The following PCSK6 variants were observed in gnomAD, a reference collection of about 807,000 sequenced individuals.
The protein encoded by PCSK6 is proprotein convertase subtilisin/kexin type 6.
Under a neutral mutation model 123.3 loss-of-function variants are expected in PCSK6, and 85 were observed. The observed-to-expected ratio is 0.69, with a 90% CI of 0.58 to 0.83. PCSK6 has a LOEUF of 0.83. Among genes scored for constraint, PCSK6 ranks in the 40% least tolerant of loss-of-function variants. The probability of loss-of-function intolerance (pLI) is 0.00; values close to 1 mark genes in which losing one functional copy is unlikely to be tolerated. For missense variants in PCSK6, 1,191 were observed against 1,282.3 expected (o/e 0.93, Z 1.09); for synonymous variants, 508 against 516.0 (o/e 0.98, Z 0.21).
chr15:101,341,248 G>GTTT (rs149761692), intron 13 of PCSK6, among the ~76,000 whole-genome samples: 12 of 129,628 alleles, frequency 9.3e-5, no homozygotes, highest in East Asian at 4.6e-4. Flanking sequence ...AAAGTGTGGG[G>GTTT]TTTTTTTTTT....
chr15:101,361,363 A>G (rs1340070312), intron 13 of PCSK6, among the ~76,000 whole-genome samples: 3 of 60,806 alleles, frequency 4.9e-5, no homozygotes, highest in Non-Finnish European at 9.0e-5. Flanking sequence ...TCAGAATCTC[A>G]GCAAATTTTT....
At chr15:101,394,600 CA>C (rs1326773361) in intron 7 of PCSK6, among the ~76,000 whole-genome samples, 5 of 152,196 alleles carry the variant, frequency 3.3e-5, no homozygotes, top group East Asian at 1.9e-4. Context: ...CCCAAACAAA[CA>C]GAGGAAATTT....
Position 101,489,431 on chromosome 15 carries a change from G to A in PCSK6, c.240C>T (p.Gly80=). The part of the protein sequence containing the change: ...YTNHWAVQVL[G]GPAEADRVAA... ...CCACGCGGTCCGCCTCGGCCGGGCCGCCCAGCACTTGCACCGCCCAGTGGT... is the reference window on the plus strand; with the variant it reads ...CCACGCGGTCCGCCTCGGCCGGGCCACCCAGCACTTGCACCGCCCAGTGGT... The change falls in exon 1 of 22, where the codon GGC becomes GGT. Residue 80 remains glycine (G), a synonymous_variant. Coordinates refer to ENST00000611716, the MANE Select transcript of PCSK6 (RefSeq NM_002570.5). 7.8e-7 allele frequency: 1 copy of A among 1,275,150 alleles called. No homozygotes were observed. Among genetic ancestry groups the A allele is most frequent in the Non-Finnish European group, 1.0e-6 (1 of 997,438 alleles). 79.0% of individuals were successfully genotyped at this position (1,275,150 alleles called of 1,614,324 possible).
chr15:101,376,016 AGAGT>A (rs1233434727), intron 11 of PCSK6, among the ~76,000 whole-genome samples: 1 of 152,192 alleles, frequency 6.6e-6, no homozygotes, highest in Non-Finnish European at 1.5e-5. Context: ...CCTGGGTAAC[AGAGT>A]GAGACTCCAT....
intron 18 of PCSK6, among the ~76,000 whole-genome samples, chr15:101,321,475 G>A (rs2040120713): frequency 1.3e-5 from 2 of 152,224 alleles, no homozygotes; most frequent in Non-Finnish European, 2.9e-5. Flanking sequence ...TGTAAAATGC[G>A]AGTAAGAATT....
intron 9 of PCSK6, among the ~76,000 whole-genome samples, chr15:101,385,815 C>G (rs1384924833): frequency 6.6e-6 from 1 of 152,188 alleles, no homozygotes; most frequent in Non-Finnish European, 1.5e-5. Context: ...TTTGCCCTAT[C>G]AAACAGCTGA....
intron 1 of PCSK6, among the ~76,000 whole-genome samples, chr15:101,478,593 A>G (rs2057791314): frequency 6.6e-6 from 1 of 152,084 alleles, no homozygotes; most frequent in African/African-American, 2.4e-5. Flanking sequence ...CCAAGGAGCA[A>G]GATGCTCGTT....
At chr15:101,325,781 A>G (rs1188058363) in intron 16 of PCSK6, among the ~76,000 whole-genome samples, 2 of 152,234 alleles carry the variant, frequency 1.3e-5, no homozygotes, top group African/African-American at 4.8e-5. Context: ...CAGAGGCCAC[A>G]CAGGAGGGCA....
chr15:101,359,762 A>G (rs1383133104), intron 13 of PCSK6, among the ~76,000 whole-genome samples: 1 of 152,238 alleles, frequency 6.6e-6, no homozygotes, highest in Non-Finnish European at 1.5e-5. Context: ...CTCGCTCAGC[A>G]CCCACACGCA....
intron 6 of PCSK6, among the ~76,000 whole-genome samples, chr15:101,424,149 C>G (rs1289319510): frequency 6.6e-6 from 1 of 151,514 alleles, no homozygotes; most frequent in Non-Finnish European, 1.5e-5. Context: ...GTGGGAGGAT[C>G]ACTTGAGGCC....
At chr15:101,410,588 T>C (rs1453511027) in intron 6 of PCSK6, among the ~76,000 whole-genome samples, 2 of 152,184 alleles carry the variant, frequency 1.3e-5, no homozygotes, top group African/African-American at 2.4e-5. Context: ...CAAAATATGC[T>C]TGGAAGGAAT....
chr15:101,460,097 C>T (rs1400494185), intron 1 of PCSK6, among the ~76,000 whole-genome samples: 2 of 152,128 alleles, frequency 1.3e-5, no homozygotes, highest in Admixed American at 6.5e-5. Flanking sequence ...CACCACTATG[C>T]CCCTATGAAC....
At chr15:101,318,282 G>A in intron 19 of PCSK6, 37 bp downstream of exon 19, 1 of 1,453,760 alleles carries the variant, frequency 6.9e-7, no homozygotes. Flanking sequence ...ACGCTTGGGT[G>A]ACGCTGGCCC....
At chr15:101,464,967 T>G (rs1434837936) in intron 1 of PCSK6, among the ~76,000 whole-genome samples, 1 of 151,930 alleles carries the variant, frequency 6.6e-6, no homozygotes. Context: ...GGCTACTCAG[T>G]GTACTTGACT....
intron 1 of PCSK6, among the ~76,000 whole-genome samples, chr15:101,479,328 C>T (rs925381113): frequency 2.0e-5 from 3 of 152,232 alleles, no homozygotes; most frequent in Admixed American, 6.5e-5. Context: ...ATGTCAAAGG[C>T]CCGGACTTCA....
At chr15:101,458,996 C>G (rs569151655) in intron 1 of PCSK6, among the ~76,000 whole-genome samples, 23 of 152,296 alleles carry the variant, frequency 1.5e-4, no homozygotes, top group African/African-American at 5.1e-4. Flanking sequence ...GGTTCACGAG[C>G]CACGTGTTCA....
intron 13 of PCSK6, chr15:101,347,758 C>T (rs371818816): frequency 5.2e-5 from 84 of 1,613,712 alleles, no homozygotes; most frequent in East Asian, 4.7e-4. Flanking sequence ...CACCGGAACA[C>T]GTGTTTTAGT....
At chr15:101,390,202 C>A (rs147844008) in intron 8 of PCSK6, among the ~76,000 whole-genome samples, 1 of 151,930 alleles carries the variant, frequency 6.6e-6, no homozygotes, top group Non-Finnish European at 1.5e-5. Flanking sequence ...CTCTGCCTGC[C>A]CTCCTCGGAG....
chr15:101,361,162 CTCTTTTTT>C (rs2041209139), intron 13 of PCSK6, among the ~76,000 whole-genome samples: 2 of 120,012 alleles, frequency 1.7e-5, no homozygotes, highest in South Asian at 4.6e-4. Context: ...TTCTTTCTCT[CTCTTTTTT>C]TTTTTTTTTT....
Sources: gnomAD v4.1 joint callset for allele counts (sites outside exome capture counted in the v4.1 genomes callset) on GRCh38, gnomAD v4.1.1 for gene constraint, MANE v1.5 for transcripts, NCBI Gene and HGNC (gene_info 2026-07-23, HGNC 2026-07-21) for gene names.